TACC2: variants seen among roughly 807,000 people sequenced by gnomAD.
The protein encoded by TACC2 is transforming acidic coiled-coil-containing protein 2.
TACC2 carries 137 observed loss-of-function variants against 227.3 expected under a neutral mutation model. The ratio of observed to expected loss-of-function variants is 0.60; its 90% CI spans 0.52 to 0.69. The LOEUF is 0.69. Ranked by LOEUF, TACC2 falls within the 30% of genes least tolerant of loss-of-function variation. TACC2 has a pLI of 0.00. For synonymous variants in TACC2, 1,523 were observed against 1,487.5 expected, an observed-to-expected ratio of 1.02 and a Z score of -0.55; for missense variants, 3,470 against 3,694.4, an observed-to-expected ratio of 0.94 and a Z score of 1.57.
At chr10:122,057,974 G>T (rs2076378340) in intron 3 of TACC2, among the ~76,000 whole-genome samples, 1 of 152,178 alleles carries the variant, frequency 6.6e-6, no homozygotes, top group African/African-American at 2.4e-5. Flanking sequence ...CGAAAGACTT[G>T]CTCCACCACT....
intron 7 of TACC2, among the ~76,000 whole-genome samples, chr10:122,158,468 T>G (rs1481501239): frequency 6.6e-6 from 1 of 152,168 alleles, no homozygotes; most frequent in Non-Finnish European, 1.5e-5. Flanking sequence ...CTGACTTCTT[T>G]TCTAGGACAT....
chr10:122,176,113 C>CTGTA (rs1159813137), intron 7 of TACC2, among the ~76,000 whole-genome samples: 2 of 54,824 alleles, frequency 3.6e-5, no homozygotes, highest in Non-Finnish European at 6.4e-5. Context: ...CTCTCTCTCT[C>CTGTA]TCTCTATATA....
At chr10:122,037,168 A>G (rs533882511) in intron 2 of TACC2, among the ~76,000 whole-genome samples, 1 of 152,334 alleles carries the variant, frequency 6.6e-6, no homozygotes, top group East Asian at 1.9e-4. Flanking sequence ...CAGGTATGGG[A>G]GAAATGAGCT....
chr10:122,055,237 A>T (rs1467326109), intron 3 of TACC2, among the ~76,000 whole-genome samples: 1 of 152,138 alleles, frequency 6.6e-6, no homozygotes, highest in Non-Finnish European at 1.5e-5. Context: ...AAAATAAAAA[A>T]AAAGTGAAGA....
chr10:122,251,522 A>G (rs185410059), intron 22 of TACC2, among the ~76,000 whole-genome samples: 7 of 152,182 alleles, frequency 4.6e-5, no homozygotes, highest in Non-Finnish European at 8.8e-5. Flanking sequence ...TGAAAAATGG[A>G]ATGTTTCATT....
rs565527761 is a variant in TACC2 at position 122,039,415 on chromosome 10, T to C, written c.34-11023T>C. On this transcript the variant is annotated intron_variant, in intron 2 of 22. Coordinates refer to ENST00000369005, the MANE Select transcript of TACC2 (RefSeq NM_206862.4). ...GGAAGGTTAAGGGTCTGTTCCGTGA[T>C]GATCCTGGGATATGAGGGTTCAGGC... Among the ~76,000 whole-genome samples, 3 of 152,272 alleles carry C rather than the reference T, an allele frequency of 2.0e-5. No individual in the cohort carries two copies. In the East Asian group the frequency reaches 5.8e-4, roughly 29 times the overall value.
In TACC2 at chr10:122,127,307, A is replaced by G. The variant is rs1366456607; in HGVS notation, c.5574-5302A>G. 7.2e-5 allele frequency among the ~76,000 whole-genome samples: 11 copies of G among 152,296 alleles called. No individual in the cohort carries two copies. In the East Asian group the frequency reaches 1.9e-3, roughly 27 times the overall value. On this transcript the variant is annotated intron_variant, in intron 5 of 22. Coordinates refer to ENST00000369005, the MANE Select transcript of TACC2 (RefSeq NM_206862.4). Reference sequence around the variant, plus strand: ...CCCCTGGAGTGTGTGATCCCCATGGAATCCATCCCAGTGCCCGCCTTGGGG... The same window carrying G: ...CCCCTGGAGTGTGTGATCCCCATGGGATCCATCCCAGTGCCCGCCTTGGGG...
At chr10:121,999,944 A>T (rs1023665508) in intron 1 of TACC2, among the ~76,000 whole-genome samples, 4 of 152,240 alleles carry the variant, frequency 2.6e-5, no homozygotes, top group African/African-American at 9.6e-5. Context: ...TCTAGGAGCC[A>T]GGAGTAGTGG....
chr10:122,184,607 G>A (rs975520716), intron 7 of TACC2, among the ~76,000 whole-genome samples: 2 of 152,166 alleles, frequency 1.3e-5, no homozygotes, highest in Non-Finnish European at 2.9e-5. Context: ...AGGCAACCTT[G>A]TTGCTGGTAC....
chr10:122,017,208 G>A (rs1287672964), intron 1 of TACC2, among the ~76,000 whole-genome samples: 1 of 152,180 alleles, frequency 6.6e-6, no homozygotes, highest in East Asian at 1.9e-4. Flanking sequence ...ATTCGTGTGG[G>A]CCGCAGAGTT....
intron 5 of TACC2, among the ~76,000 whole-genome samples, chr10:122,113,552 G>T (rs113710052): frequency 6.6e-6 from 1 of 152,092 alleles, no homozygotes; most frequent in Non-Finnish European, 1.5e-5. Flanking sequence ...GGGTCCCCGC[G>T]CGTGGTTGTG....
intron 17 of TACC2, 43 bp downstream of exon 17, chr10:122,237,581 TAA>T: frequency 6.3e-7 from 1 of 1,585,748 alleles, no homozygotes; most frequent in Non-Finnish European, 8.6e-7. Context: ...CTGCCACTTA[TAA>T]ATACGTATGC....
At chr10:122,246,523 G>A (rs2096123545) in intron 19 of TACC2, 1 of 152,214 alleles carries the variant, frequency 6.6e-6, no homozygotes, top group African/African-American at 2.4e-5. Context: ...ACGTGGTTAT[G>A]ATCACGGCTT....
chr10:122,083,112 C>T lies in TACC2; in HGVS notation c.612C>T (p.Pro204=). 6.2e-7 allele frequency: 1 copy of T among 1,613,028 alleles called. No homozygotes were observed. Among genetic ancestry groups the T allele is most frequent in the Non-Finnish European group, 8.5e-7 (1 of 1,180,016 alleles). ...AGTCACCTGGAATGTCGCCAGTACC[C>T]CTCAGAGAGCCAATGAAGGCACCGC... The part of the protein sequence containing the change: ...IDQSPGMSPV[P]LREPMKAPLC... Residue 204 remains proline (P), a synonymous_variant, in exon 4 of 23, where the codon CCC becomes CCT. Coordinates refer to ENST00000369005, the MANE Select transcript of TACC2 (RefSeq NM_206862.4).
chr10:122,017,447 G>A (rs940595908), intron 1 of TACC2, among the ~76,000 whole-genome samples: 4 of 151,136 alleles, frequency 2.6e-5, no homozygotes, highest in Non-Finnish European at 4.4e-5. Context: ...GTGTTTTGCC[G>A]CCTGTTGAAG....
intron 2 of TACC2, among the ~76,000 whole-genome samples, chr10:122,028,596 T>C (rs1444208397): frequency 6.7e-6 from 1 of 148,294 alleles, no homozygotes; most frequent in Non-Finnish European, 1.5e-5. Flanking sequence ...AACTCACTTA[T>C]TAGTTCCAAG....
chr10:122,001,851 C>T (rs1954400708), intron 1 of TACC2, among the ~76,000 whole-genome samples: 1 of 152,098 alleles, frequency 6.6e-6, no homozygotes, highest in South Asian at 2.1e-4. Context: ...TTATATCTAC[C>T]TTTTCCAGTA....
intron 1 of TACC2, among the ~76,000 whole-genome samples, chr10:122,004,028 G>A (rs933501527): frequency 1.3e-5 from 2 of 152,084 alleles, no homozygotes; most frequent in Non-Finnish European, 1.5e-5. Context: ...AGCACTTTGG[G>A]AGGCCGAGGC....
At chr10:122,167,921 CTG>C (rs998112797) in intron 7 of TACC2, among the ~76,000 whole-genome samples, 1 of 152,024 alleles carries the variant, frequency 6.6e-6, no homozygotes, top group African/African-American at 2.4e-5. Flanking sequence ...GTGTTTCACT[CTG>C]TTGCGCAGGC....
Sources: allele counts gnomAD v4.1 joint callset (sites outside exome capture counted in the v4.1 genomes callset), GRCh38; gene constraint gnomAD v4.1.1; transcripts MANE v1.5; gene names NCBI Gene and HGNC (gene_info 2026-07-23, HGNC 2026-07-21).